Variants in ENOX1 observed in about 807,000 individuals in gnomAD.
ENOX1 encodes candidate growth-related and time keeping constitutive hydroquinone (NADH) oxidase.
A neutral mutation model predicts 82.5 loss-of-function variants in ENOX1; 42 were observed. That is an observed-to-expected ratio of 0.51 (90% confidence interval 0.40 to 0.66). The LOEUF is 0.66. Ranked by LOEUF, ENOX1 falls within the 30% of genes least tolerant of loss-of-function variation. The pLI is 0.00. For missense variants in ENOX1, 608 were observed against 811.6 expected (o/e 0.75, Z 3.05); for synonymous variants, 271 against 282.2 (o/e 0.96, Z 0.40).
At chr13:43,703,319 G>T (rs529433924) in intron 1 of ENOX1, among the ~76,000 whole-genome samples, 2 of 152,226 alleles carry the variant, frequency 1.3e-5, no homozygotes, top group South Asian at 4.2e-4. Flanking sequence ...AAAGAGTATG[G>T]AATAGACATT....
At chr13:43,437,362 C>A (rs561187057) in intron 3 of ENOX1, among the ~76,000 whole-genome samples, 2 of 152,276 alleles carry the variant, frequency 1.3e-5, no homozygotes, top group East Asian at 3.9e-4. Context: ...GCCAGTAAGA[C>A]CCAATCCTGC....
intron 13 of ENOX1, among the ~76,000 whole-genome samples, chr13:43,267,653 G>C (rs189383379): frequency 2.0e-5 from 3 of 152,156 alleles, no homozygotes; most frequent in Admixed American, 1.3e-4. Flanking sequence ...GAGGTGAGAG[G>C]TGTCATCAGT....
chr13:43,771,300 TG>T (rs1366513048), intron 1 of ENOX1, among the ~76,000 whole-genome samples: 2 of 152,100 alleles, frequency 1.3e-5, no homozygotes, highest in African/African-American at 4.8e-5. Context: ...ATTAGACAGA[TG>T]GTACCTCCCT....
intron 1 of ENOX1, among the ~76,000 whole-genome samples, chr13:43,691,008 T>G (rs552289533): frequency 7.8e-4 from 119 of 152,304 alleles, no homozygotes; most frequent in African/African-American, 2.7e-3. Context: ...TTTGGACATT[T>G]TATCTAGCCT....
chr13:43,702,908 G>C (rs1291644183), intron 1 of ENOX1, among the ~76,000 whole-genome samples: 1 of 120,638 alleles, frequency 8.3e-6, no homozygotes, highest in Non-Finnish European at 1.6e-5. Context: ...AGCTGAGTTT[G>C]CACCATTGCA....
chr13:43,428,779 C>T (rs2055479990), intron 3 of ENOX1, among the ~76,000 whole-genome samples: 1 of 152,160 alleles, frequency 6.6e-6, no homozygotes, highest in African/African-American at 2.4e-5. Context: ...GCTACAGAAA[C>T]TAGGGTTGGT....
At chr13:43,415,141 G>C (rs2054366580) in intron 3 of ENOX1, among the ~76,000 whole-genome samples, 1 of 151,364 alleles carries the variant, frequency 6.6e-6, no homozygotes, top group African/African-American at 2.4e-5. Context: ...TTGTTCTGTT[G>C]GCAAGATGTG....
intron 3 of ENOX1, among the ~76,000 whole-genome samples, chr13:43,448,924 G>A (rs948423362): frequency 4.6e-5 from 7 of 152,206 alleles, no homozygotes; most frequent in African/African-American, 9.6e-5. Flanking sequence ...GGGCTGAATC[G>A]AGAAATCCGC....
chr13:43,312,504 T>C (rs2047261396), intron 11 of ENOX1, among the ~76,000 whole-genome samples: 1 of 152,202 alleles, frequency 6.6e-6, no homozygotes, highest in Non-Finnish European at 1.5e-5. Context: ...ATCAAGCATG[T>C]GCCTGAGGTT....
intron 2 of ENOX1, among the ~76,000 whole-genome samples, chr13:43,524,757 C>G (rs541407221): frequency 1.3e-5 from 2 of 152,078 alleles, no homozygotes; most frequent in Admixed American, 6.6e-5. Context: ...GAGGTCTTCC[C>G]TAAGCACCTT....
chr13:43,622,033 G>A (rs1452280857), intron 2 of ENOX1, among the ~76,000 whole-genome samples: 1 of 152,078 alleles, frequency 6.6e-6, no homozygotes, highest in Admixed American at 6.6e-5. Flanking sequence ...TCTTCTACTT[G>A]TTCAATTCTA....
At chr13:43,597,808 T>C (rs531718205) in intron 2 of ENOX1, among the ~76,000 whole-genome samples, 1 of 152,302 alleles carries the variant, frequency 6.6e-6, no homozygotes, top group Admixed American at 6.5e-5. Context: ...GCTCACTTTC[T>C]TGCTCACTCT....
intron 1 of ENOX1, among the ~76,000 whole-genome samples, chr13:43,717,952 G>T (rs2088267247): frequency 6.6e-6 from 1 of 152,166 alleles, no homozygotes. Context: ...AACTAGTTCA[G>T]TCACTGTGGA....
intron 2 of ENOX1, among the ~76,000 whole-genome samples, chr13:43,502,258 T>G (rs146946915): frequency 4.4e-4 from 66 of 151,696 alleles, no homozygotes; most frequent in Non-Finnish European, 9.2e-4. Context: ...AAAAGCCCAG[T>G]ATCAGATGGT....
intron 2 of ENOX1, among the ~76,000 whole-genome samples, chr13:43,566,100 A>C (rs182361856): frequency 6.6e-6 from 1 of 152,342 alleles, no homozygotes; most frequent in East Asian, 1.9e-4. Context: ...CCAAGTTTCA[A>C]CTAAATGTTT....
chr13:43,229,155 T>G (rs1331110530), intron 15 of ENOX1, among the ~76,000 whole-genome samples: 2 of 152,244 alleles, frequency 1.3e-5, no homozygotes, highest in Non-Finnish European at 2.9e-5. Flanking sequence ...TGCTGCCATG[T>G]AAGACATGCC....
chr13:43,541,869 A>C (rs1292248750), intron 2 of ENOX1, among the ~76,000 whole-genome samples: 2 of 152,220 alleles, frequency 1.3e-5, no homozygotes, highest in East Asian at 3.9e-4. Context: ...TAAAAAGATA[A>C]AGTTTCTAAT....
chr13:43,528,445 T>C (rs1442884264), intron 2 of ENOX1, among the ~76,000 whole-genome samples: 1 of 152,128 alleles, frequency 6.6e-6, no homozygotes, highest in African/African-American at 2.4e-5. Context: ...CTTCACTACA[T>C]TATTATAATC....
chr13:43,257,438 T>C (rs974139785), intron 14 of ENOX1, among the ~76,000 whole-genome samples: 29 of 152,292 alleles, frequency 1.9e-4, no homozygotes, highest in African/African-American at 6.0e-4. Context: ...TAAAATACAT[T>C]TTAAAAACCT....
Sources: allele counts gnomAD v4.1 joint callset (sites outside exome capture counted in the v4.1 genomes callset), GRCh38; gene constraint gnomAD v4.1.1; transcripts MANE v1.5; gene names NCBI Gene and HGNC (gene_info 2026-07-23, HGNC 2026-07-21).